MLLT3: variants seen among roughly 807,000 people sequenced by gnomAD.
MLLT3 encodes MLLT3 super elongation complex subunit, also known as protein AF-9.
MLLT3 carries 4 observed loss-of-function variants against 53.2 expected under a neutral mutation model. The observed-to-expected ratio is 0.08, with a 90% CI of 0.04 to 0.17. MLLT3 has a LOEUF of 0.17. Ranked by LOEUF, MLLT3 falls within the 10% of genes least tolerant of loss-of-function variation. The probability of loss-of-function intolerance (pLI) is 1.00; values close to 1 mark genes in which losing one functional copy is unlikely to be tolerated. For missense variants in MLLT3, 569 were observed against 684.0 expected (o/e 0.83, Z 1.87); for synonymous variants, 283 against 230.6 (o/e 1.23, Z -2.06).
At chr9:20,445,858 TAAG>T (rs773407958) in intron 4 of MLLT3, among the ~76,000 whole-genome samples, 16 of 152,136 alleles carry the variant, frequency 1.1e-4, no homozygotes, top group Admixed American at 3.3e-4. Context: ...GGCCAAAAAA[TAAG>T]AAGAAGAAGA....
intron 5 of MLLT3, among the ~76,000 whole-genome samples, chr9:20,376,567 C>T (rs1271310144): frequency 6.6e-6 from 1 of 152,048 alleles, no homozygotes; most frequent in African/African-American, 2.4e-5. Context: ...TAAATGCTGT[C>T]ATTTGGACTT....
In MLLT3 at chr9:20,422,572, C is replaced by T. The variant is rs539453118; in HGVS notation, c.421-8147G>A. Among the ~76,000 whole-genome samples the T allele has an allele frequency of 1.4e-4, 22 of 152,262 alleles. No homozygotes were observed. In the South Asian group the frequency reaches 2.5e-3, roughly 17 times the overall value. ...CCTAACAGTTAAGCAAGAACCAACACATAACATGAAAGAGCAAAAGATGAT... is the reference window on the plus strand; with the variant it reads ...CCTAACAGTTAAGCAAGAACCAACATATAACATGAAAGAGCAAAAGATGAT... On this transcript the variant is annotated intron_variant, in intron 4 of 10. Transcript: ENST00000380338.
intron 2 of MLLT3, among the ~76,000 whole-genome samples, chr9:20,547,713 G>A (rs1193434770): frequency 6.6e-6 from 1 of 151,330 alleles, no homozygotes; most frequent in Non-Finnish European, 1.5e-5. Context: ...CACTTTCGGA[G>A]GTGGAAGCAG....
intron 5 of MLLT3, among the ~76,000 whole-genome samples, chr9:20,367,412 C>T (rs1191150104): frequency 6.6e-6 from 1 of 152,176 alleles, no homozygotes; most frequent in African/African-American, 2.4e-5. Flanking sequence ...TCTTGTAATC[C>T]TCTTGTACTT....
intron 2 of MLLT3, among the ~76,000 whole-genome samples, chr9:20,536,137 T>C (rs1818477399): frequency 6.6e-6 from 1 of 152,112 alleles, no homozygotes; most frequent in Non-Finnish European, 1.5e-5. Context: ...TTGTCATTAA[T>C]TCAGCCATGC....
chr9:20,497,838 T>C (rs755438173), intron 2 of MLLT3, among the ~76,000 whole-genome samples: 4 of 152,104 alleles, frequency 2.6e-5, no homozygotes, highest in Admixed American at 6.5e-5. Flanking sequence ...AGCAGAATGA[T>C]TGGGTAGGTA....
intron 6 of MLLT3, among the ~76,000 whole-genome samples, chr9:20,364,829 C>T (rs1208176647): frequency 6.6e-6 from 1 of 152,062 alleles, no homozygotes; most frequent in Non-Finnish European, 1.5e-5. Flanking sequence ...ACTTTGATAC[C>T]TATGCATTTT....
At chr9:20,426,031 C>G (rs1487917067) in intron 4 of MLLT3, among the ~76,000 whole-genome samples, 3 of 151,888 alleles carry the variant, frequency 2.0e-5, no homozygotes, top group African/African-American at 7.2e-5. Flanking sequence ...ATGACTATGA[C>G]TTGTTTCAGC....
At chr9:20,354,310 T>A (rs1487412236) in intron 9 of MLLT3, among the ~76,000 whole-genome samples, 1 of 152,218 alleles carries the variant, frequency 6.6e-6, no homozygotes, top group African/African-American at 2.4e-5. Flanking sequence ...CCCAGCACCA[T>A]TTGCGATAAA....
intron 5 of MLLT3, among the ~76,000 whole-genome samples, chr9:20,368,694 C>T (rs904324149): frequency 6.6e-6 from 1 of 152,110 alleles, no homozygotes; most frequent in Admixed American, 6.6e-5. Context: ...CCAAAAAACC[C>T]ACAAATAGGA....
In MLLT3 at chr9:20,555,727, G is replaced by A. The variant is rs147045020; in HGVS notation, c.193+64927C>T. ...TCATCTCACTAGGCACACTGCCCACGATTATAAAACCTCCCAGGCAACAAG... is the reference window on the plus strand; with the variant it reads ...TCATCTCACTAGGCACACTGCCCACAATTATAAAACCTCCCAGGCAACAAG... On this transcript the variant is annotated intron_variant, in intron 2 of 10. Transcript: ENST00000380338. Among the ~76,000 whole-genome samples the A allele has an allele frequency of 1.6e-4, 25 of 152,174 alleles. No homozygotes were observed. In the East Asian group the frequency reaches 4.6e-3, roughly 28 times the overall value.
rs968258881 is a variant in MLLT3 at position 20,621,003 on chromosome 9, C to T, written c.13-169G>A. On this transcript the variant is annotated intron_variant, in intron 1 of 10. Coordinates refer to ENST00000380338, the MANE Select transcript of MLLT3 (RefSeq NM_004529.4). This position sits in a 1 kb window ranked among gnomAD's most constrained non-coding sequence, Gnocchi z 7.0. ...GCGTGGGCGCGCACACTCCACACCCCCAAATATACCCGCCCGCCCGGCCCG... is the reference window on the plus strand; with the variant it reads ...GCGTGGGCGCGCACACTCCACACCCTCAAATATACCCGCCCGCCCGGCCCG... 1.6e-5 allele frequency: 13 copies of T among 826,664 alleles called. No individual in the cohort carries two copies. Among genetic ancestry groups the T allele is most frequent in the Non-Finnish European group, 2.4e-5 (12 of 502,280 alleles). The allele number at this position is 826,664 out of a possible 1,614,324, so 51.2% of individuals were successfully genotyped here.
At chr9:20,453,892 T>G (rs1823898063) in intron 3 of MLLT3, among the ~76,000 whole-genome samples, 1 of 152,210 alleles carries the variant, frequency 6.6e-6, no homozygotes, top group African/African-American at 2.4e-5. Flanking sequence ...ATCCTACTTT[T>G]CTATATTACA....
At chr9:20,352,326 G>T (rs1033149835) in intron 10 of MLLT3, among the ~76,000 whole-genome samples, 3 of 152,128 alleles carry the variant, frequency 2.0e-5, no homozygotes, top group Non-Finnish European at 4.4e-5. Context: ...CTGGTGTTTG[G>T]GAAGAGACGA....
intron 5 of MLLT3, among the ~76,000 whole-genome samples, chr9:20,380,851 A>T (rs1821892404): frequency 6.6e-6 from 1 of 151,980 alleles, no homozygotes; most frequent in Non-Finnish European, 1.5e-5. Flanking sequence ...ATTAGACTGG[A>T]AAGTGCTGTT....
intron 4 of MLLT3, among the ~76,000 whole-genome samples, chr9:20,425,208 G>C (rs1389433720): frequency 1.3e-5 from 2 of 152,072 alleles, no homozygotes; most frequent in African/African-American, 4.8e-5. Context: ...AATTTAAAAT[G>C]GTGTCATATT....
chr9:20,538,492 G>C (rs958798012), intron 2 of MLLT3, among the ~76,000 whole-genome samples: 1 of 152,084 alleles, frequency 6.6e-6, no homozygotes. Context: ...TCAATATCAG[G>C]AATACCTGAG....
chr9:20,493,791 T>C (rs1825011604), intron 2 of MLLT3, among the ~76,000 whole-genome samples: 1 of 152,068 alleles, frequency 6.6e-6, no homozygotes, highest in South Asian at 2.1e-4. Context: ...ATAAAGTATG[T>C]TAAGTTTTTC....
chr9:20,363,504 C>T lies in MLLT3; in HGVS notation c.1303G>A (p.Val435Ile). The change falls in exon 7 of 11, where the codon GTA (valine) becomes ATA (isoleucine). Residue 435 changes from valine to isoleucine, a missense_variant. By Grantham distance (29) the Val-to-Ile change is conservative. Around this residue, in one of 5 missense-constraint regions of MLLT3, gnomAD observed 437 missense variants for 376.5 expected, o/e 1.16. Coordinates refer to ENST00000380338, the MANE Select transcript of MLLT3 (RefSeq NM_004529.4). The part of the protein sequence containing the change: ...NDNDSEMERP[V>I]NRGGSRSRRV... ...CGACTTCGGCTGCCTCCTCTATTTA[C>T]AGGCCTCTCCATTTCAGAGTCATTG... The T allele has an allele frequency of 1.9e-6, 3 of 1,613,958 alleles. No homozygotes were observed. Among genetic ancestry groups the T allele is most frequent in the South Asian group, 2.2e-5 (2 of 91,052 alleles).
Sources: gnomAD v4.1 joint callset for allele counts (sites outside exome capture counted in the v4.1 genomes callset) on GRCh38, gnomAD v4.1.1 for gene constraint, gnomAD v4.1.1 regional missense constraint, Gnocchi (gnomAD v3.1) non-coding constraint, MANE v1.5 for transcripts, NCBI Gene and HGNC (gene_info 2026-07-23, HGNC 2026-07-21) for gene names.